The following SRP19 variants were observed in gnomAD, a reference collection of about 807,000 sequenced individuals.
SRP19 encodes the protein signal recognition particle 19, also known as signal recognition particle 19 kDa protein.
In SRP19, 11 loss-of-function variants were observed where a neutral mutation model predicts 22.4. The ratio of observed to expected loss-of-function variants is 0.49; its 90% CI spans 0.31 to 0.81. SRP19 has a LOEUF of 0.81. Ranked by LOEUF, SRP19 falls within the 40% of genes least tolerant of loss-of-function variation. The pLI is 0.05. For synonymous variants in SRP19, 61 were observed against 57.6 expected (o/e 1.06, Z -0.27); for missense variants, 168 against 175.9 (o/e 0.96, Z 0.25).
rs574697394 is a variant in SRP19 at position 112,868,015 on chromosome 5, T to A, written c.*478T>A. 4 of 986,228 alleles carry A rather than the reference T, an allele frequency of 4.1e-6. No individual in the cohort carries two copies. Among genetic ancestry groups the A allele is most frequent in the Non-Finnish European group, 4.8e-6 (4 of 830,486 alleles). The allele number at this position is 986,228 out of a possible 1,614,324, so 61.1% of individuals were successfully genotyped here. On this transcript the variant is annotated 3_prime_UTR_variant, in exon 5 of 5. Coordinates refer to ENST00000505459, the MANE Select transcript of SRP19 (RefSeq NM_003135.3). The stretch of plus-strand genomic sequence containing the variant: ...GTGAGGCTAAAACTAGAAGAAACTG[T>A]GGTAGGTCCTTTTGTGGGTGGGGGA...
At chr5:112,885,638 G>A in intron 4 of SRP19, 1 of 293,100 alleles carries the variant, frequency 3.4e-6, no homozygotes, top group Non-Finnish European at 7.1e-6. Context: ...GGGTCTGCCA[G>A]CCTGGAGCAG....
At chr5:112,887,022 A>G in intron 4 of SRP19, 1 of 1,601,592 alleles carries the variant, frequency 6.2e-7, no homozygotes, top group Non-Finnish European at 8.5e-7. Flanking sequence ...TACCTTCTTT[A>G]GTGATGGCAT....
intron 2 of SRP19, among the ~76,000 whole-genome samples, chr5:112,863,425 G>A (rs1157368417): frequency 6.6e-6 from 1 of 152,108 alleles, no homozygotes; most frequent in Admixed American, 6.5e-5. Context: ...GTTGTTCTGT[G>A]CATTTTAAGA....
At chr5:112,872,424 G>A (rs1029747147), downstream of SRP19, among the ~76,000 whole-genome samples, 2 of 145,910 alleles carry the variant, frequency 1.4e-5, no homozygotes, top group African/African-American at 4.9e-5. Context: ...TGCCTCCCGG[G>A]TTCAAGGGAT....
chr5:112,892,286 T>C (rs756517401), exon 5 of SRP19: 6 of 1,614,088 alleles, frequency 3.7e-6, no homozygotes, highest in Non-Finnish European at 5.1e-6. Context: ...ACGTTTGGAA[T>C]GGAGCAGTGC....
intron 4 of SRP19, among the ~76,000 whole-genome samples, chr5:112,889,820 A>AG (rs1162833342): frequency 8.7e-5 from 11 of 126,140 alleles, no homozygotes; most frequent in African/African-American, 4.2e-4. Flanking sequence ...CATCTCTAGG[A>AG]AAAAAAAAAT....
rs567096570 is a variant in SRP19 at position 112,861,391 on chromosome 5, C to T, written c.15C>T (p.Ala5=). ...CTCTTGTGAAGATGGCTTGCGCTGC[C>T]GCGCGGTCCCCGGCCGACCAGGACA... MACA[A]ARSPADQDRF... is the part of the protein sequence containing the mutation. Residue 5 remains alanine, a synonymous_variant, in exon 1 of 5, where the codon GCC becomes GCT. Coordinates refer to ENST00000505459, the MANE Select transcript of SRP19 (RefSeq NM_003135.3). 9 of 1,614,150 alleles carry T rather than the reference C, an allele frequency of 5.6e-6. No homozygotes were observed. In the East Asian group the frequency reaches 8.9e-5, roughly 16 times the overall value.
At position 112,862,524 on chromosome 5, in the gene SRP19, C is replaced by G; in HGVS notation, c.58C>G (p.Pro20Ala). 6.2e-7 allele frequency: 1 copy of G among 1,613,828 alleles called. No homozygotes were observed. The highest frequency in any genetic ancestry group is 1.1e-5 in the South Asian group (1 of 91,054). Residue 20 changes from proline to alanine, a missense_variant, in exon 2 of 5, where the codon CCT becomes GCT. Coordinates refer to ENST00000505459, the MANE Select transcript of SRP19 (RefSeq NM_003135.3). ...CTATGGCAGGTTTATTTGTATCTAT[C>G]CTGCTTATTTAAATAATAAGAAGAC... The part of the protein sequence containing the change: ...ADQDRFICIY[P>A]AYLNNKKTIA...
At chr5:112,878,754 A>T in intron 4 of SRP19, 1 of 1,613,924 alleles carries the variant, frequency 6.2e-7, no homozygotes, top group Non-Finnish European at 8.5e-7. Flanking sequence ...AGGAAGGTAC[A>T]GAGAGGGCAG....
Position 112,864,730 on chromosome 5 carries a change from C to A in SRP19, c.299C>A (p.Ser100Ter). 1 of 1,607,584 alleles carries A rather than the reference C, an allele frequency of 6.2e-7. No homozygotes were observed. Among genetic ancestry groups the A allele is most frequent in the South Asian group, 1.1e-5 (1 of 90,030 alleles). Reference protein sequence around the residue: ...DGSLCLVQFPSRKSVMLYAAE... With the variant: ...DGSLCLVQFP ...AGCCTCTGCCTTGTACAGTTCCCAT[C>A]ACGTAAGCTTGTTTAAATGAATCAG... The change falls in exon 4 of 5, where the codon TCA (serine) becomes TAA (stop). Residue 100 changes from serine (S) to a stop codon, truncating the protein, a stop_gained and splice_region_variant. Transcript: ENST00000505459. LOFTEE classifies it high-confidence loss of function.
At chr5:112,874,285 C>T (rs1767846075), downstream of SRP19, among the ~76,000 whole-genome samples, 1 of 152,166 alleles carries the variant, frequency 6.6e-6, no homozygotes, top group African/African-American at 2.4e-5. Context: ...TTGAGACCAG[C>T]CTGGCTAACA....
At chr5:112,861,558 C>CT in intron 1 of SRP19, 141 bp downstream of exon 1, 1 of 857,638 alleles carries the variant, frequency 1.2e-6, no homozygotes, top group South Asian at 1.8e-5. Flanking sequence ...GCGCCTCTCC[C>CT]TGGCAGCTCG....
At position 112,892,505 on chromosome 5, in the gene SRP19, T is replaced by C. The variant is rs534008453; in HGVS notation, c.*898T>C. 8.1e-6 allele frequency: 13 copies of C among 1,614,226 alleles called. No homozygotes were observed. In the African/African-American group the frequency reaches 1.6e-4, roughly 20 times the overall value. On this transcript the variant is annotated 3_prime_UTR_variant, in exon 5 of 5. Coordinates refer to the SRP19 transcript ENST00000391338. Reference sequence around the variant, plus strand: ...TCGGAAGAAGAATGCCAAGCAGCCCTTTCTCTGTTTAACGGACGATGGTAT... The same window carrying C: ...TCGGAAGAAGAATGCCAAGCAGCCCCTTCTCTGTTTAACGGACGATGGTAT...
chr5:112,879,498 G>A (rs908516875), intron 4 of SRP19, among the ~76,000 whole-genome samples: 18 of 152,048 alleles, frequency 1.2e-4, no homozygotes, highest in African/African-American at 4.3e-4. Context: ...TTTTGAGACG[G>A]AGTCTCGCTC....
At chr5:112,880,573 C>T (rs1768041653) in intron 4 of SRP19, among the ~76,000 whole-genome samples, 1 of 152,318 alleles carries the variant, frequency 6.6e-6, no homozygotes, top group Non-Finnish European at 1.5e-5. Flanking sequence ...CCTTAACTAA[C>T]CCTTTGTAGA....
chr5:112,864,671 C>CAA lies in SRP19; in HGVS notation c.241_242insAA (p.Arg81LysfsTer25). ...GGAATCGTGATGTCCAATACAGAGG[C>CAA]AGAGTCCGGGTCCAGCTCAAACAGG... On this transcript the variant is annotated frameshift_variant, in exon 4 of 5. Transcript: ENST00000505459. LOFTEE classifies it high-confidence loss of function. 6.2e-7 allele frequency: 1 copy of CAA among 1,614,098 alleles called. No homozygotes were observed.
chr5:112,861,330 G>A lies in SRP19; in HGVS notation c.-47G>A. On this transcript the variant is annotated 5_prime_UTR_variant, in exon 1 of 5. Transcript: ENST00000505459. ...AGAGCCGGGTTCCTCCCGGGTTTCT[G>A]CCGGGTTTCTCCCTGCGGCTCCTGG... 6.2e-7 allele frequency: 1 copy of A among 1,612,510 alleles called. No homozygotes were observed.
chr5:112,882,294 G>C (rs901652040), intron 4 of SRP19, among the ~76,000 whole-genome samples: 14 of 151,934 alleles, frequency 9.2e-5, no homozygotes, highest in African/African-American at 2.9e-4. Context: ...TCTTTGTAGT[G>C]CACTCCCCAC....
downstream of SRP19, chr5:112,893,426 G>A (rs1768567967): frequency 5.6e-6 from 1 of 178,048 alleles, no homozygotes; most frequent in Non-Finnish European, 1.2e-5. Flanking sequence ...TAGAATTTTT[G>A]GACTAGTGGA....
Sources: gnomAD v4.1 joint callset for allele counts (sites outside exome capture counted in the v4.1 genomes callset) on GRCh38, gnomAD v4.1.1 for gene constraint, MANE v1.5 for transcripts, NCBI Gene and HGNC (gene_info 2026-07-23, HGNC 2026-07-21) for gene names.